The following SYNDIG1 variants were observed in gnomAD, a reference collection of about 807,000 sequenced individuals.
The protein encoded by SYNDIG1 is synapse differentiation inducing 1.
SYNDIG1 carries 9 observed loss-of-function variants against 19.4 expected under a neutral mutation model. That is an observed-to-expected ratio of 0.46 (90% CI 0.28 to 0.81). SYNDIG1 has a LOEUF of 0.81. Ranked by LOEUF, SYNDIG1 falls within the 30% of genes least tolerant of loss-of-function variation. SYNDIG1 has a pLI of 0.12. For missense variants in SYNDIG1, 311 were observed against 343.3 expected (o/e 0.91, Z 0.74); for synonymous variants, 141 against 145.9 (o/e 0.97, Z 0.24).
Position 24,665,531 on chromosome 20 carries a change from C to A in SYNDIG1, c.*27C>A. ...CTTCCTGCGAATGGAGGGGGAGCAC[C>A]CGGGGCCAGGTCTGTGTGGACGTGG... is the stretch of plus-strand genomic sequence containing the variant. On this transcript the variant is annotated 3_prime_UTR_variant, in exon 4 of 4. Coordinates refer to ENST00000376862, the MANE Select transcript of SYNDIG1 (RefSeq NM_024893.3). 1 of 1,613,772 alleles carries A rather than the reference C, an allele frequency of 6.2e-7. No individual in the cohort carries two copies. The highest frequency in any genetic ancestry group is 8.5e-7 in the Non-Finnish European group (1 of 1,179,932).
chr20:24,606,877 G>C (rs564005594), intron 3 of SYNDIG1, among the ~76,000 whole-genome samples: 1 of 152,354 alleles, frequency 6.6e-6, no homozygotes, highest in African/African-American at 2.4e-5. Flanking sequence ...ACGAGCAGAA[G>C]AAGCAGTGTT....
At chr20:24,496,075 G>T (rs1389591261) in intron 1 of SYNDIG1, among the ~76,000 whole-genome samples, 1 of 152,152 alleles carries the variant, frequency 6.6e-6, no homozygotes, top group Non-Finnish European at 1.5e-5. Flanking sequence ...TCGATCTCCT[G>T]ACCTCGTGAT....
intron 1 of SYNDIG1, among the ~76,000 whole-genome samples, chr20:24,480,350 T>C (rs1218767701): frequency 6.6e-6 from 1 of 152,242 alleles, no homozygotes; most frequent in Non-Finnish European, 1.5e-5. Context: ...AAATTTAGGC[T>C]ACAGTACTAA....
intron 1 of SYNDIG1, among the ~76,000 whole-genome samples, chr20:24,470,434 T>C (rs914095796): frequency 1.3e-5 from 2 of 151,884 alleles, no homozygotes; most frequent in Admixed American, 1.3e-4. Flanking sequence ...AAAAGCTGTC[T>C]GGCCCCTGGC....
intron 3 of SYNDIG1, among the ~76,000 whole-genome samples, chr20:24,611,540 C>T (rs2058847992): frequency 6.6e-6 from 1 of 152,010 alleles, no homozygotes; most frequent in South Asian, 2.1e-4. Context: ...CACGGGGTCT[C>T]GGGAGGGTCA....
intron 3 of SYNDIG1, 43 bp downstream of exon 3, chr20:24,585,036 A>T: frequency 3.7e-5 from 21 of 569,954 alleles, no homozygotes; most frequent in South Asian, 5.6e-5. Context: ...GCAGGTGTTC[A>T]CAGGGTGGGG....
At chr20:24,651,863 G>A (rs2059477245) in intron 3 of SYNDIG1, among the ~76,000 whole-genome samples, 1 of 152,164 alleles carries the variant, frequency 6.6e-6, no homozygotes, top group South Asian at 2.1e-4. Flanking sequence ...CACACAGGAA[G>A]TTCAGCTAGC....
chr20:24,517,555 C>T (rs112294892), intron 1 of SYNDIG1, among the ~76,000 whole-genome samples: 2 of 146,800 alleles, frequency 1.4e-5, no homozygotes, highest in Non-Finnish European at 3.0e-5. Context: ...GGAGGCGGAG[C>T]TTGCAGTGAG....
At chr20:24,628,640 C>T (rs1445390049) in intron 3 of SYNDIG1, among the ~76,000 whole-genome samples, 1 of 152,192 alleles carries the variant, frequency 6.6e-6, no homozygotes, top group Non-Finnish European at 1.5e-5. Flanking sequence ...TGCTCCCCAC[C>T]CAATCAAAAC....
chr20:24,482,000 C>T (rs1269417710), intron 1 of SYNDIG1, among the ~76,000 whole-genome samples: 8 of 152,018 alleles, frequency 5.3e-5, no homozygotes, highest in East Asian at 1.9e-4. Context: ...AAAATTGGAA[C>T]GCATATAATA....
chr20:24,520,893 T>A (rs1215593064), intron 1 of SYNDIG1, among the ~76,000 whole-genome samples: 1 of 152,302 alleles, frequency 6.6e-6, no homozygotes, highest in South Asian at 2.1e-4. Context: ...TCCATGCACA[T>A]TGCTGTGCAG....
At chr20:24,654,692 G>GGAAGGAAGGAAGGAAGGAAA (rs1568718690) in intron 3 of SYNDIG1, among the ~76,000 whole-genome samples, 1 of 150,638 alleles carries the variant, frequency 6.6e-6, no homozygotes, top group African/African-American at 2.5e-5. Flanking sequence ...AAGGAAGGAA[G>GGAAGGAAGGAAGGAAGGAAA]GAAGGAAGAG....
At chr20:24,556,952 G>A in intron 2 of SYNDIG1, among the ~76,000 whole-genome samples, 1 of 152,196 alleles carries the variant, frequency 6.6e-6, no homozygotes, top group East Asian at 1.9e-4. Flanking sequence ...CCAATCCGAT[G>A]TAGATTTGGT....
At chr20:24,510,387 G>A (rs562601652) in intron 1 of SYNDIG1, among the ~76,000 whole-genome samples, 14 of 151,370 alleles carry the variant, frequency 9.2e-5, no homozygotes, top group Admixed American at 3.3e-4. Flanking sequence ...TGGCCAATAT[G>A]GGGAAACCCC....
chr20:24,488,189 T>C (rs1041215112), intron 1 of SYNDIG1, among the ~76,000 whole-genome samples: 3 of 152,176 alleles, frequency 2.0e-5, no homozygotes, highest in African/African-American at 7.2e-5. Context: ...TGAGTAAACG[T>C]TGGAAGGGAA....
At chr20:24,487,780 T>C (rs901868081) in intron 1 of SYNDIG1, among the ~76,000 whole-genome samples, 2 of 152,182 alleles carry the variant, frequency 1.3e-5, no homozygotes, top group Non-Finnish European at 2.9e-5. Context: ...CTTGGCACTG[T>C]GACATTGCCA....
intron 1 of SYNDIG1, among the ~76,000 whole-genome samples, chr20:24,541,636 C>T (rs1049408286): frequency 6.6e-6 from 1 of 152,182 alleles, no homozygotes; most frequent in East Asian, 1.9e-4. Flanking sequence ...GTGGTTGATG[C>T]AGCCCAGAAA....
In SYNDIG1 at chr20:24,578,140, G is replaced by T. The variant is rs180729208; in HGVS notation, c.481-6716G>T. Reference sequence around the variant, plus strand: ...AAATGTGCAGATTTCTGCCCTCCTGGTGCTTAGAGGAAGGGAGTCGGGATG... The same window carrying T: ...AAATGTGCAGATTTCTGCCCTCCTGTTGCTTAGAGGAAGGGAGTCGGGATG... On this transcript the variant is annotated intron_variant, in intron 2 of 3. Transcript: ENST00000376862. Among the ~76,000 whole-genome samples, 97 of 152,314 alleles carry T rather than the reference G, an allele frequency of 6.4e-4. 1 individual carries two copies. The highest frequency in any genetic ancestry group is 1.2e-3 in the Non-Finnish European group (80 of 68,024).
At chr20:24,520,693 CAAA>C (rs11475871) in intron 1 of SYNDIG1, among the ~76,000 whole-genome samples, 7 of 144,920 alleles carry the variant, frequency 4.8e-5, no homozygotes, top group African/African-American at 7.6e-5. Context: ...AACTCTGTCT[CAAA>C]AAAAAAAAAA....
Sources: gnomAD v4.1 joint callset for allele counts (sites outside exome capture counted in the v4.1 genomes callset) on GRCh38, gnomAD v4.1.1 for gene constraint, MANE v1.5 for transcripts, NCBI Gene and HGNC (gene_info 2026-07-23, HGNC 2026-07-21) for gene names.